Variants in CREB5 observed in about 807,000 individuals in gnomAD.
CREB5 encodes cyclic AMP-responsive element-binding protein 5.
A neutral mutation model predicts 57.1 loss-of-function variants in CREB5; 19 were observed. The observed-to-expected ratio is 0.33, with a 90% confidence interval of 0.23 to 0.49. The LOEUF (loss-of-function observed/expected upper bound fraction) is 0.49. CREB5 is among the 20% of genes least tolerant of loss of function. The pLI, the probability that CREB5 is intolerant of heterozygous loss-of-function variation, is 0.99. For missense variants in CREB5, 579 were observed against 671.6 expected, an observed-to-expected ratio of 0.86 and a Z score of 1.52; for synonymous variants, 238 against 238.3, an observed-to-expected ratio of 1.00 and a Z score of 0.01.
At chr7:28,776,793 T>C (rs1376603709) in intron 7 of CREB5, among the ~76,000 whole-genome samples, 6 of 152,276 alleles carry the variant, frequency 3.9e-5, no homozygotes, top group Admixed American at 3.9e-4. Flanking sequence ...GGATCTGTTA[T>C]ATGTGGCCTT....
chr7:28,619,514 C>A (rs1797718090), intron 5 of CREB5, among the ~76,000 whole-genome samples: 1 of 152,170 alleles, frequency 6.6e-6, no homozygotes, highest in South Asian at 2.1e-4. Flanking sequence ...CAGGCACCAT[C>A]CTCTTCAGTG....
chr7:28,329,771 CAG>C (rs1785679581), intron 1 of CREB5, among the ~76,000 whole-genome samples: 1 of 152,212 alleles, frequency 6.6e-6, no homozygotes, highest in African/African-American at 2.4e-5. Context: ...TGGCACCTTA[CAG>C]TGTTAACAGG....
At chr7:28,640,211 C>G (rs1291130779) in intron 5 of CREB5, among the ~76,000 whole-genome samples, 1 of 152,160 alleles carries the variant, frequency 6.6e-6, no homozygotes, top group African/African-American at 2.4e-5. Flanking sequence ...AACTCTCCAT[C>G]CAGACTGCTC....
chr7:28,530,212 G>A (rs36007238), intron 4 of CREB5, among the ~76,000 whole-genome samples: 15,527 of 149,198 alleles, frequency 0.1, 1,103 homozygotes, highest in African/African-American at 0.2. Flanking sequence ...CACAGGCTCC[G>A]GATCCAGGCT....
At chr7:28,814,942 T>A (rs1421727702) in intron 9 of CREB5, among the ~76,000 whole-genome samples, 1 of 152,194 alleles carries the variant, frequency 6.6e-6, no homozygotes, top group African/African-American at 2.4e-5. Context: ...TTTCCCACAA[T>A]AACATGGCTA....
chr7:28,554,475 C>A (rs902433358), intron 4 of CREB5, among the ~76,000 whole-genome samples: 3 of 152,248 alleles, frequency 2.0e-5, no homozygotes, highest in Admixed American at 6.5e-5. Flanking sequence ...GTTTCTGTTC[C>A]TGTTGGGGTG....
intron 1 of CREB5, among the ~76,000 whole-genome samples, chr7:28,335,376 A>G (rs1460798322): frequency 6.6e-6 from 1 of 151,936 alleles, no homozygotes; most frequent in Non-Finnish European, 1.5e-5. Flanking sequence ...TTCTTTTATC[A>G]ATCTTTTATA....
chr7:28,815,591 C>A (rs1295444584), intron 9 of CREB5, among the ~76,000 whole-genome samples: 1 of 152,032 alleles, frequency 6.6e-6, no homozygotes, highest in African/African-American at 2.4e-5. Context: ...TGGGGCATGC[C>A]AAATATCATA....
intron 1 of CREB5, among the ~76,000 whole-genome samples, chr7:28,398,682 T>C (rs1000710037): frequency 5.3e-5 from 8 of 152,206 alleles, no homozygotes; most frequent in Non-Finnish European, 7.3e-5. Flanking sequence ...TTTATGCAAC[T>C]ATATTATTTG....
intron 4 of CREB5, among the ~76,000 whole-genome samples, chr7:28,566,807 G>C (rs1310781842): frequency 6.6e-6 from 1 of 152,228 alleles, no homozygotes; most frequent in Non-Finnish European, 1.5e-5. Context: ...GTAGAGAAGA[G>C]ATTACAGGAG....
At chr7:28,782,055 G>T (rs961313459) in intron 7 of CREB5, among the ~76,000 whole-genome samples, 1 of 151,300 alleles carries the variant, frequency 6.6e-6, no homozygotes, top group African/African-American at 2.4e-5. Context: ...TGCACCGCCT[G>T]CCTGTAATCC....
chr7:28,300,599 T>G (rs890690296), intron 1 of CREB5, among the ~76,000 whole-genome samples: 1 of 152,126 alleles, frequency 6.6e-6, no homozygotes, highest in Non-Finnish European at 1.5e-5. Flanking sequence ...TAAACAAAAA[T>G]CCCAGTGAAC....
chr7:28,629,378 G>T (rs160359), intron 5 of CREB5, among the ~76,000 whole-genome samples: 1 of 152,160 alleles, frequency 6.6e-6, no homozygotes, highest in Non-Finnish European at 1.5e-5. Context: ...CCCAGCGTGC[G>T]GGTCAGCCAA....
chr7:28,676,193 A>G (rs1441024855), intron 5 of CREB5, among the ~76,000 whole-genome samples: 1 of 152,108 alleles, frequency 6.6e-6, no homozygotes, highest in Non-Finnish European at 1.5e-5. Flanking sequence ...CATAACTATC[A>G]TTATTTTTCA....
intron 5 of CREB5, among the ~76,000 whole-genome samples, chr7:28,596,311 C>G (rs1796689961): frequency 6.6e-6 from 1 of 152,126 alleles, no homozygotes; most frequent in Non-Finnish European, 1.5e-5. Flanking sequence ...TTACTCTTTC[C>G]AAAAGACAAA....
chr7:28,639,531 T>C (rs1405219965), intron 5 of CREB5, among the ~76,000 whole-genome samples: 1 of 152,182 alleles, frequency 6.6e-6, no homozygotes, highest in African/African-American at 2.4e-5. Flanking sequence ...CATGTTTTAA[T>C]TTTTCATAAT....
At chr7:28,450,115 A>C (rs1789721270) in intron 1 of CREB5, among the ~76,000 whole-genome samples, 1 of 152,182 alleles carries the variant, frequency 6.6e-6, no homozygotes, top group Non-Finnish European at 1.5e-5. Context: ...AATGAGTTTA[A>C]ATTTTCTTTG....
rs28463796 is a variant in CREB5, at chr7:28,312,511, G to A, written c.-25+13070G>A. ...TGCAGAAAGTCTCTGGTGTACAAAGGGGGAGGGAAGCGGGTGGAGGCGAAG... is the reference window on the plus strand; with the variant it reads ...TGCAGAAAGTCTCTGGTGTACAAAGAGGGAGGGAAGCGGGTGGAGGCGAAG... On this transcript the variant is annotated intron_variant, in intron 1 of 9. Transcript: ENST00000396299. 1.1e-4 allele frequency among the ~76,000 whole-genome samples: 16 copies of A among 152,264 alleles called. No individual in the cohort carries two copies. In the South Asian group the frequency reaches 2.9e-3, roughly 28 times the overall value.
At chr7:28,614,305 C>T (rs1229829415) in intron 5 of CREB5, among the ~76,000 whole-genome samples, 1 of 152,166 alleles carries the variant, frequency 6.6e-6, no homozygotes. Flanking sequence ...GTGCTATATC[C>T]ATTTGGGATT....
Sources: gnomAD v4.1 joint callset for allele counts (sites outside exome capture counted in the v4.1 genomes callset) on GRCh38, gnomAD v4.1.1 for gene constraint, MANE v1.5 for transcripts, NCBI Gene and HGNC (gene_info 2026-07-23, HGNC 2026-07-21) for gene names.